The following ABCA4 variants were observed in gnomAD, a reference collection of about 807,000 sequenced individuals.
ABCA4 encodes the protein retinal-specific phospholipid-transporting ATPase ABCA4.
ABCA4 carries 196 observed loss-of-function variants against 263.7 expected under a neutral mutation model. That is an observed-to-expected ratio of 0.74 (90% confidence interval 0.66 to 0.84). The LOEUF (loss-of-function observed/expected upper bound fraction) is 0.84, where lower values mean the gene tolerates loss of function less well. Ranked by LOEUF, ABCA4 falls within the 40% of genes least tolerant of loss-of-function variation. ABCA4 has a pLI of 0.00. For synonymous variants in ABCA4, 1,133 were observed against 1,094.2 expected (o/e 1.04, Z -0.70); for missense variants, 2,792 against 2,855.1 (o/e 0.98, Z 0.50).
Position 94,041,416 on chromosome 1 carries a change from G to A in ABCA4, c.3329-14C>T, listed in dbSNP as rs370047782. On this transcript the variant is annotated splice_polypyrimidine_tract_variant and intron_variant, in intron 22 of 49. Transcript: ENST00000370225. Reference sequence around the variant, plus strand: ...TGATGGTTCTGCCTGCAAGGTAGGGGCCAGGGCAATCACCAGGCCTGCCCT... The same window carrying A: ...TGATGGTTCTGCCTGCAAGGTAGGGACCAGGGCAATCACCAGGCCTGCCCT... The A allele has an allele frequency of 1.2e-6, 2 of 1,613,068 alleles. No homozygotes were observed. The highest frequency in any genetic ancestry group is 1.7e-6 in the Non-Finnish European group (2 of 1,179,982).
chr1:94,010,438 C>G (rs1161538075), intron 40 of ABCA4, among the ~76,000 whole-genome samples: 1 of 152,226 alleles, frequency 6.6e-6, no homozygotes, highest in Middle Eastern at 3.2e-3. Flanking sequence ...TGTGTCCTTT[C>G]TCTCATAAAT....
chr1:93,996,062 G>T, intron 49 of ABCA4, 47 bp downstream of exon 49: 1 of 1,571,554 alleles, frequency 6.4e-7, no homozygotes. Flanking sequence ...TGGGCTCTGA[G>T]CCAAGGAACT....
At chr1:93,996,443 T>C (rs1321723038) in intron 48 of ABCA4, among the ~76,000 whole-genome samples, 1 of 152,184 alleles carries the variant, frequency 6.6e-6, no homozygotes, top group Non-Finnish European at 1.5e-5. Context: ...CTCAAGGGAC[T>C]TGGGCACCAG....
At chr1:94,036,123 T>C (rs533420450) in intron 26 of ABCA4, among the ~76,000 whole-genome samples, 1 of 152,038 alleles carries the variant, frequency 6.6e-6, no homozygotes, top group East Asian at 1.9e-4. Context: ...CTGGTGGAGA[T>C]GACAGGAGGA....
chr1:93,995,277 C>A (rs186751888), intron 49 of ABCA4, among the ~76,000 whole-genome samples: 7 of 152,308 alleles, frequency 4.6e-5, no homozygotes. Flanking sequence ...TTCTTGCAAT[C>A]CAGAAACTGG....
At chr1:94,073,533 G>A (rs972422218) in intron 11 of ABCA4, among the ~76,000 whole-genome samples, 4 of 151,446 alleles carry the variant, frequency 2.6e-5, no homozygotes, top group Non-Finnish European at 5.9e-5. Context: ...CTTACTATAT[G>A]TCAGTGCTTT....
chr1:94,080,343 A>G (rs1174447364), intron 8 of ABCA4, 135 bp downstream of exon 8: 2 of 1,225,238 alleles, frequency 1.6e-6, no homozygotes, highest in African/African-American at 3.0e-5. Flanking sequence ...ACTTTCTGGG[A>G]GAAGTCTCTT....
At chr1:94,101,494 C>T (rs1037286529) in intron 5 of ABCA4, among the ~76,000 whole-genome samples, 2 of 152,216 alleles carry the variant, frequency 1.3e-5, no homozygotes, top group African/African-American at 4.8e-5. Context: ...GCCAGAAAAG[C>T]AGGTATGAGC....
chr1:94,019,321 C>T (rs1169325913), intron 36 of ABCA4: 2 of 453,452 alleles, frequency 4.4e-6, no homozygotes, highest in Non-Finnish European at 8.1e-6. Context: ...TCAGAAGACC[C>T]CTCAGTGCAG....
chr1:94,063,280 T>C lies in ABCA4; in HGVS notation c.1592A>G (p.Glu531Gly), dbSNP rs145718830. The C allele has an allele frequency of 4.0e-5, 64 of 1,614,178 alleles. No individual in the cohort carries two copies. In the African/African-American group the frequency reaches 7.6e-4, roughly 19 times the overall value. The change falls in exon 12 of 50, where the codon GAA becomes GGA. Residue 531 changes from glutamate to glycine, a missense_variant. Coordinates refer to ENST00000370225, the MANE Select transcript of ABCA4 (RefSeq NM_000350.3). ...VLDKFESYND[E>G]TQLTQRALSL... ...GAGGGCACGTTGGGTGAGCTGAGTT[T>C]CATCATTGTAGCTTTCAAACTTATC...
At chr1:94,061,987 C>T (rs1570392461) in intron 13 of ABCA4, among the ~76,000 whole-genome samples, 1 of 152,108 alleles carries the variant, frequency 6.6e-6, no homozygotes. Context: ...CCCCCAAATC[C>T]ATATTCAGTC....
chr1:94,023,494 A>G (rs935041818), intron 31 of ABCA4, 76 bp from the exon 32 acceptor site: 2 of 1,289,876 alleles, frequency 1.6e-6, no homozygotes, highest in East Asian at 2.4e-5. Context: ...CCAAACATTC[A>G]TTTTGAAGAC....
At chr1:94,019,091 A>T in intron 36 of ABCA4, among the ~76,000 whole-genome samples, 1 of 139,582 alleles carries the variant, frequency 7.2e-6, no homozygotes, top group East Asian at 2.1e-4. Context: ...ATATGCTTAT[A>T]CTAAAAATTA....
Position 94,044,068 on chromosome 1 carries a change from TCCTTCTCC to T in ABCA4, c.3050+537_3050+544del, listed in dbSNP as rs1229187919. ...TTCTCCCCTCCCTCCCTCCCTCGCT[TCCTTCTCC>T]CCTCCCTCCCTCCCTTCTTTCCTTC... On this transcript the variant is annotated intron_variant, in intron 20 of 49. Transcript: ENST00000370225. Among the ~76,000 whole-genome samples, 20 of 14,662 alleles carry T rather than the reference TCCTTCTCC, an allele frequency of 1.4e-3. No individual in the cohort carries two copies. The Non-Finnish European group carries it at 0.016, about 12-fold the overall frequency. 9.6% of individuals were successfully genotyped at this position (14,662 alleles called of 152,430 possible).
chr1:94,042,682 A>C, intron 22 of ABCA4, 79 bp downstream of exon 22: 2 of 1,589,940 alleles, frequency 1.3e-6, no homozygotes, highest in Non-Finnish European at 1.7e-6. Flanking sequence ...TCAGCTACAA[A>C]ATGGCAGGTG....
rs775471169 is a variant in ABCA4, at chr1:94,031,764, AC to A, written c.4128+13del. 1 of 1,613,148 alleles carries A rather than the reference AC, an allele frequency of 6.2e-7. No individual in the cohort carries two copies. Among genetic ancestry groups the A allele is most frequent in the South Asian group, 1.1e-5 (1 of 91,012 alleles). On this transcript the variant is annotated intron_variant, in intron 27 of 49. Transcript: ENST00000370225. ...AGCCACTGAGCTCAGCTAAACACCG[AC>A]CGACAATAGTACCTGCGCCAGGAAG...
rs113315829 is a variant in ABCA4, at chr1:94,046,150, TAGC to T, written c.2918+766_2918+768del. Among the ~76,000 whole-genome samples the T allele has an allele frequency of 2.5e-3, 376 of 151,790 alleles. 4 individuals are homozygous for T. The highest frequency in any genetic ancestry group is 8.8e-3 in the African/African-American group (363 of 41,388). ...TAGGAAAAGGAATGTTCCTTGAAAA[TAGC>T]AGGACTCGGCCTGGTGCGGTCGCTC... On this transcript the variant is annotated intron_variant, in intron 19 of 49. Transcript: ENST00000370225.
intron 4 of ABCA4, among the ~76,000 whole-genome samples, chr1:94,107,718 A>C (rs992413571): frequency 4.6e-5 from 7 of 151,688 alleles, no homozygotes; most frequent in Non-Finnish European, 7.4e-5. Flanking sequence ...CTCACCATGC[A>C]CCTGCACCTT....
At chr1:94,022,317 G>A (rs895980185) in intron 32 of ABCA4, among the ~76,000 whole-genome samples, 1 of 152,108 alleles carries the variant, frequency 6.6e-6, no homozygotes, top group African/African-American at 2.4e-5. Flanking sequence ...AGCTCCCCTC[G>A]GCACCTTTCC....
Sources: gnomAD v4.1 joint callset for allele counts (sites outside exome capture counted in the v4.1 genomes callset) on GRCh38, gnomAD v4.1.1 for gene constraint, MANE v1.5 for transcripts, NCBI Gene and HGNC (gene_info 2026-07-23, HGNC 2026-07-21) for gene names.